Variants in NOL4 observed in about 807,000 individuals in gnomAD.
NOL4 encodes cancer/testis antigen 125.
Under a neutral mutation model 75.9 loss-of-function variants are expected in NOL4, and 17 were observed. That is an observed-to-expected ratio of 0.22 (90% CI 0.15 to 0.34). The LOEUF (loss-of-function observed/expected upper bound fraction) is 0.34, where lower values mean the gene tolerates loss of function less well. NOL4 is among the 10% of genes least tolerant of loss of function. The pLI is 1.00. For synonymous variants in NOL4, 292 were observed against 289.9 expected (o/e 1.01, Z -0.07); for missense variants, 614 against 793.5 (o/e 0.77, Z 2.72).
At chr18:33,861,349 T>C (rs2063115839) in intron 10 of NOL4, among the ~76,000 whole-genome samples, 1 of 152,226 alleles carries the variant, frequency 6.6e-6, no homozygotes, top group Admixed American at 6.5e-5. Flanking sequence ...AACTTCTTCC[T>C]GGTTTAGTCT....
At chr18:34,192,404 A>C (rs958348697) in intron 1 of NOL4, among the ~76,000 whole-genome samples, 1 of 152,204 alleles carries the variant, frequency 6.6e-6, no homozygotes, top group Non-Finnish European at 1.5e-5. Context: ...AAAATAGCCA[A>C]AGCAATCTTG....
chr18:33,966,029 T>C (rs1263225787), intron 6 of NOL4, among the ~76,000 whole-genome samples: 3 of 152,272 alleles, frequency 2.0e-5, no homozygotes, highest in East Asian at 1.9e-4. Context: ...AGTTTATAAA[T>C]GTTGTGATTG....
chr18:33,972,668 A>C (rs1157348099), intron 6 of NOL4, among the ~76,000 whole-genome samples: 1 of 152,242 alleles, frequency 6.6e-6, no homozygotes, highest in African/African-American at 2.4e-5. Flanking sequence ...CACTGCAATA[A>C]AGTGAATACC....
chr18:34,161,541 TG>T (rs1568407285), intron 1 of NOL4, among the ~76,000 whole-genome samples: 1 of 152,156 alleles, frequency 6.6e-6, no homozygotes, highest in African/African-American at 2.4e-5. Flanking sequence ...CCATTCTAAC[TG>T]GGGTAAGATG....
chr18:34,213,393 G>A (rs984202633), intron 1 of NOL4, among the ~76,000 whole-genome samples: 37 of 152,236 alleles, frequency 2.4e-4, no homozygotes, highest in African/African-American at 6.5e-4. Context: ...GGCTTCAAGC[G>A]ATTCTCCTAC....
At chr18:33,880,929 T>C (rs981116433) in intron 10 of NOL4, among the ~76,000 whole-genome samples, 5 of 152,056 alleles carry the variant, frequency 3.3e-5, no homozygotes, top group African/African-American at 4.8e-5. Context: ...TCATTATGTA[T>C]TAAATGGCCT....
chr18:33,953,430 C>A (rs1031206896), intron 8 of NOL4, among the ~76,000 whole-genome samples: 1 of 151,520 alleles, frequency 6.6e-6, no homozygotes, highest in African/African-American at 2.4e-5. Flanking sequence ...TAGGATTATG[C>A]AAGAGTACAG....
intron 10 of NOL4, among the ~76,000 whole-genome samples, chr18:33,880,835 A>T (rs1021152580): frequency 1.3e-5 from 2 of 151,934 alleles, no homozygotes; most frequent in African/African-American, 4.8e-5. Context: ...TTTTTAGTAT[A>T]AACAGCAATC....
Position 34,073,656 on chromosome 18 carries a change from A to G in NOL4, c.772+19809T>C, listed in dbSNP as rs1600489834. On this transcript the variant is annotated intron_variant, in intron 5 of 10. Coordinates refer to ENST00000261592, the MANE Select transcript of NOL4 (RefSeq NM_003787.5). ...GTTGAATCCATGGAATGTGGAACCC[A>G]TGGATGAAGAGGGCTGAATACTTTT... 2.0e-5 allele frequency among the ~76,000 whole-genome samples: 3 copies of G among 152,140 alleles called. No individual in the cohort carries two copies. The East Asian group carries it at 5.8e-4, about 29-fold the overall frequency.
At chr18:33,940,078 A>AT (rs1187291980) in intron 9 of NOL4, among the ~76,000 whole-genome samples, 11 of 152,120 alleles carry the variant, frequency 7.2e-5, no homozygotes, top group African/African-American at 2.7e-4. Context: ...ATGTGGAGGA[A>AT]TAGGAACGCT....
intron 6 of NOL4, among the ~76,000 whole-genome samples, chr18:33,991,145 A>T (rs2072885830): frequency 6.6e-6 from 1 of 151,900 alleles, no homozygotes; most frequent in Non-Finnish European, 1.5e-5. Context: ...CCTCTCACCG[A>T]TATCCACAAC....
At chr18:33,927,152 C>T (rs1257381095) in intron 9 of NOL4, among the ~76,000 whole-genome samples, 1 of 152,058 alleles carries the variant, frequency 6.6e-6, no homozygotes, top group Non-Finnish European at 1.5e-5. Flanking sequence ...CCAGAGTGTA[C>T]TACTCTGTTT....
At position 34,223,538 on chromosome 18, in the gene NOL4, G is replaced by A; in HGVS notation, c.-285C>T. 2.0e-6 allele frequency: 1 copy of A among 512,474 alleles called. No individual in the cohort carries two copies. The highest frequency in any genetic ancestry group is 3.4e-5 in the East Asian group (1 of 29,570). The allele number at this position is 512,474 out of a possible 1,614,324, so 31.7% of individuals were successfully genotyped here. A position where few individuals can be genotyped will look rare whatever the true frequency, so the allele number is the denominator to read the frequency against. ...GCGGTCGGTCTCTTTAATATTTTGT[G>A]ACCAGGACCATCCCAACACCATTCT... On this transcript the variant is annotated 5_prime_UTR_variant, in exon 1 of 11. Transcript: ENST00000261592.
At chr18:34,040,819 C>T (rs2076108147) in intron 5 of NOL4, among the ~76,000 whole-genome samples, 1 of 151,916 alleles carries the variant, frequency 6.6e-6, no homozygotes, top group Admixed American at 6.6e-5. Flanking sequence ...GAATTCAGGG[C>T]AATCCCATGA....
intron 9 of NOL4, among the ~76,000 whole-genome samples, chr18:33,921,371 G>A (rs530844743): frequency 6.6e-6 from 1 of 152,270 alleles, no homozygotes; most frequent in African/African-American, 2.4e-5. Context: ...GACATGAATT[G>A]TGGAGGGTGC....
intron 9 of NOL4, among the ~76,000 whole-genome samples, chr18:33,938,533 T>G (rs963817843): frequency 3.9e-5 from 6 of 152,270 alleles, no homozygotes; most frequent in African/African-American, 1.4e-4. Context: ...TAATGAGCAG[T>G]GACAATGAGC....
chr18:33,881,140 G>T (rs981062780), intron 10 of NOL4, among the ~76,000 whole-genome samples: 1 of 151,452 alleles, frequency 6.6e-6, no homozygotes, highest in South Asian at 2.1e-4. Flanking sequence ...GTGAATGGGA[G>T]TTCACTCATG....
At chr18:33,948,941 ATAT>A (rs1186416636) in intron 8 of NOL4, among the ~76,000 whole-genome samples, 1 of 152,044 alleles carries the variant, frequency 6.6e-6, no homozygotes, top group Non-Finnish European at 1.5e-5. Context: ...TGAAGCTCTA[ATAT>A]TGTATAAACC....
chr18:34,195,037 A>AAAAAG (rs2035228706), intron 1 of NOL4, among the ~76,000 whole-genome samples: 1 of 151,818 alleles, frequency 6.6e-6, no homozygotes, highest in Admixed American at 6.6e-5. Context: ...TCAAAAAAAA[A>AAAAAG]AAAGAAAGAA....
Sources: gnomAD v4.1 joint callset for allele counts (sites outside exome capture counted in the v4.1 genomes callset) on GRCh38, gnomAD v4.1.1 for gene constraint, MANE v1.5 for transcripts, NCBI Gene and HGNC (gene_info 2026-07-23, HGNC 2026-07-21) for gene names.